Variants in TNIK observed in about 807,000 individuals in gnomAD.
The protein encoded by TNIK is TRAF2 and NCK-interacting protein kinase.
A neutral mutation model predicts 191.3 loss-of-function variants in TNIK; 49 were observed. The observed-to-expected ratio is 0.26, with a 90% CI of 0.20 to 0.32. The LOEUF (loss-of-function observed/expected upper bound fraction) is 0.32. Among genes scored for constraint, TNIK ranks in the 10% least tolerant of loss-of-function variants. The probability of loss-of-function intolerance (pLI) is 1.00; values close to 1 mark genes in which losing one functional copy is unlikely to be tolerated. For missense variants in TNIK, 1,155 were observed against 1,702.3 expected (o/e 0.68, Z 5.66); for synonymous variants, 594 against 600.9 (o/e 0.99, Z 0.17).
chr3:171,439,188 C>A (rs1299503842), intron 1 of TNIK, among the ~76,000 whole-genome samples: 1 of 151,670 alleles, frequency 6.6e-6, no homozygotes, highest in African/African-American at 2.4e-5. Flanking sequence ...ACTAAAAATT[C>A]AAAAAATTAG....
intron 2 of TNIK, among the ~76,000 whole-genome samples, chr3:171,290,795 A>G (rs1751598516): frequency 6.6e-6 from 1 of 152,220 alleles, no homozygotes; most frequent in Non-Finnish European, 1.5e-5. Context: ...ATAAGAAAAC[A>G]AGTGTGGCAA....
intron 2 of TNIK, among the ~76,000 whole-genome samples, chr3:171,335,452 G>A (rs1037290638): frequency 7.2e-5 from 11 of 152,084 alleles, no homozygotes; most frequent in African/African-American, 2.7e-4. Context: ...CATAATCCTA[G>A]TTCATTGATC....
intron 1 of TNIK, among the ~76,000 whole-genome samples, chr3:171,377,151 A>G (rs1717376822): frequency 6.6e-6 from 1 of 152,138 alleles, no homozygotes; most frequent in Non-Finnish European, 1.5e-5. Context: ...GTTCCTGGCT[A>G]GTGTTGGTAT....
chr3:171,118,875 A>G (rs937721735), intron 18 of TNIK, among the ~76,000 whole-genome samples: 1 of 152,244 alleles, frequency 6.6e-6, no homozygotes, highest in Admixed American at 6.5e-5. Context: ...GGACATAGGC[A>G]TGGACAAGGA....
chr3:171,298,349 A>T (rs1404460281), intron 2 of TNIK, among the ~76,000 whole-genome samples: 2 of 152,216 alleles, frequency 1.3e-5, no homozygotes, highest in Admixed American at 1.3e-4. Flanking sequence ...GCGAATATTC[A>T]CTTGTAAAAA....
chr3:171,199,888 G>A lies in TNIK; in HGVS notation c.307-5253C>T, dbSNP rs764072865. Among the ~76,000 whole-genome samples the A allele has an allele frequency of 5.3e-5, 8 of 152,288 alleles. No individual in the cohort carries two copies. In the South Asian group the frequency reaches 8.3e-4, roughly 16 times the overall value. On this transcript the variant is annotated intron_variant, in intron 4 of 32. Coordinates refer to ENST00000436636, the MANE Select transcript of TNIK (RefSeq NM_015028.4). The stretch of plus-strand genomic sequence containing the variant: ...GTCTATTTTGCATTTATAAAAATGC[G>A]AAAAGAAAGAGTTTCTGACATGGAA...
chr3:171,380,029 G>A (rs12494490), intron 1 of TNIK, among the ~76,000 whole-genome samples: 1,851 of 117,186 alleles, frequency 0.016, 35 homozygotes, highest in African/African-American at 0.053. Context: ...ACACACACGC[G>A]CACACACACA....
At chr3:171,259,436 C>T (rs1168263820) in intron 2 of TNIK, among the ~76,000 whole-genome samples, 2 of 152,098 alleles carry the variant, frequency 1.3e-5, no homozygotes, top group African/African-American at 2.4e-5. Context: ...AGAAGCTGAC[C>T]CCTCACAGGA....
chr3:171,135,689 G>C (rs532432475), intron 15 of TNIK, among the ~76,000 whole-genome samples: 1 of 152,292 alleles, frequency 6.6e-6, no homozygotes, highest in Non-Finnish European at 1.5e-5. Context: ...CAGGGACCTT[G>C]GAAGATGTCA....
chr3:171,218,856 T>C (rs1301788890), intron 3 of TNIK, among the ~76,000 whole-genome samples: 1 of 79,620 alleles, frequency 1.3e-5, no homozygotes, highest in Non-Finnish European at 2.1e-5. Flanking sequence ...ATATTACATA[T>C]ATTTAATATA....
intron 2 of TNIK, among the ~76,000 whole-genome samples, chr3:171,278,717 A>T (rs1291689027): frequency 6.6e-6 from 1 of 151,802 alleles, no homozygotes; most frequent in Admixed American, 6.5e-5. Flanking sequence ...TTATGTATTA[A>T]GAATTAATAT....
chr3:171,148,323 C>G (rs1359195989), intron 12 of TNIK, among the ~76,000 whole-genome samples: 1 of 152,218 alleles, frequency 6.6e-6, no homozygotes, highest in Non-Finnish European at 1.5e-5. Context: ...CAGAAGAATT[C>G]TCATCCTGCC....
At chr3:171,136,679 G>A (rs1295882752) in intron 15 of TNIK, among the ~76,000 whole-genome samples, 2 of 152,198 alleles carry the variant, frequency 1.3e-5, no homozygotes, top group African/African-American at 4.8e-5. Context: ...GCCATGGTCA[G>A]GAGCTGTGGG....
intron 1 of TNIK, among the ~76,000 whole-genome samples, chr3:171,423,558 C>T (rs1724104872): frequency 6.6e-6 from 1 of 152,180 alleles, no homozygotes; most frequent in African/African-American, 2.4e-5. Context: ...AAGCTGGAGG[C>T]ATCACACTAC....
intron 6 of TNIK, among the ~76,000 whole-genome samples, chr3:171,189,035 C>T (rs559448438): frequency 1.6e-4 from 25 of 152,328 alleles, no homozygotes; most frequent in African/African-American, 5.5e-4. Context: ...CAGAATTTCT[C>T]ATCTTCCCCA....
chr3:171,327,644 G>A (rs1755925379), intron 2 of TNIK, among the ~76,000 whole-genome samples: 1 of 152,076 alleles, frequency 6.6e-6, no homozygotes, highest in African/African-American at 2.4e-5. Context: ...TCTGGAGTCT[G>A]CAGGAGAAAG....
chr3:171,342,831 T>C (rs1030437749), intron 2 of TNIK, among the ~76,000 whole-genome samples: 4 of 152,178 alleles, frequency 2.6e-5, no homozygotes, highest in Non-Finnish European at 5.9e-5. Flanking sequence ...CCTCATGTCA[T>C]GGGGGACCCA....
intron 2 of TNIK, among the ~76,000 whole-genome samples, chr3:171,296,247 T>A (rs1752277552): frequency 6.6e-6 from 1 of 152,160 alleles, no homozygotes; most frequent in South Asian, 2.1e-4. Context: ...GATATTAATT[T>A]CTATAAATAT....
chr3:171,392,802 A>G (rs930113228), intron 1 of TNIK, among the ~76,000 whole-genome samples: 13 of 150,450 alleles, frequency 8.6e-5, no homozygotes, highest in Admixed American at 2.0e-4. Context: ...AAAAGAAAAG[A>G]AAGAAAGAAA....
Sources: gnomAD v4.1 joint callset for allele counts (sites outside exome capture counted in the v4.1 genomes callset) on GRCh38, gnomAD v4.1.1 for gene constraint, MANE v1.5 for transcripts, NCBI Gene and HGNC (gene_info 2026-07-23, HGNC 2026-07-21) for gene names.